Variants in PAPSS2 observed in about 807,000 individuals in gnomAD.
PAPSS2 encodes the protein 3'-phosphoadenosine 5'-phosphosulfate synthase 2.
A neutral mutation model predicts 66.5 loss-of-function variants in PAPSS2; 61 were observed. That is an observed-to-expected ratio of 0.92 (90% CI 0.75 to 1.14). PAPSS2 has a LOEUF of 1.14. Ranked by LOEUF, PAPSS2 falls within the 50% of genes most tolerant of loss-of-function variation. The pLI, the probability that PAPSS2 is intolerant of heterozygous loss-of-function variation, is 0.00. For missense variants in PAPSS2, 708 were observed against 789.6 expected (o/e 0.90, Z 1.24); for synonymous variants, 289 against 287.5 (o/e 1.01, Z -0.05).
At chr10:87,703,658 G>C (rs1564717451) in intron 1 of PAPSS2, 1 of 505,348 alleles carries the variant, frequency 2.0e-6, no homozygotes, top group Non-Finnish European at 4.0e-6. Context: ...GAGCAAATCA[G>C]CCGTGAAGCA....
intron 7 of PAPSS2, among the ~76,000 whole-genome samples, chr10:87,719,322 T>C (rs7068030): frequency 0.5 from 76,310 of 152,046 alleles, 20,097 homozygotes; most frequent in East Asian, 0.71. Context: ...CTCTCTGGGC[T>C]TTGTTCCTTC....
chr10:87,708,880 T>C (rs1231777724), intron 1 of PAPSS2, among the ~76,000 whole-genome samples: 2 of 152,208 alleles, frequency 1.3e-5, no homozygotes, highest in Non-Finnish European at 2.9e-5. Context: ...ATGCTGTAAT[T>C]TAAAAATAAT....
At chr10:87,668,077 T>A (rs1852835220) in intron 1 of PAPSS2, among the ~76,000 whole-genome samples, 1 of 152,214 alleles carries the variant, frequency 6.6e-6, no homozygotes, top group African/African-American at 2.4e-5. Flanking sequence ...CCCTATAAAC[T>A]TTATTCTTCT....
Position 87,745,874 on chromosome 10 carries a change from GC to G in PAPSS2, c.1765del (p.Leu589SerfsTer21). On this transcript the variant is annotated frameshift_variant, in exon 13 of 13. Transcript: ENST00000456849. LOFTEE classifies it high-confidence loss of function. ...TCATCTCAGGAACTCGAATGAGGAA[GC>G]TCGCCCGGGAAGGAGAGAATCCCCC... ...DFISGTRMRK[L>X]AREGENPPDG... 1 of 1,614,096 alleles carries G rather than the reference GC, an allele frequency of 6.2e-7. No individual in the cohort carries two copies. The highest frequency in any genetic ancestry group is 8.5e-7 in the Non-Finnish European group (1 of 1,179,984).
chr10:87,660,196 C>T (rs1183770166), intron 1 of PAPSS2, among the ~76,000 whole-genome samples, 188 bp downstream of exon 1: 1 of 152,138 alleles, frequency 6.6e-6, no homozygotes, highest in Non-Finnish European at 1.5e-5. Context: ...AGTCCTCGCC[C>T]CGCAGCCCCT....
intron 1 of PAPSS2, among the ~76,000 whole-genome samples, chr10:87,700,037 A>G (rs1226337416): frequency 6.6e-6 from 1 of 152,142 alleles, no homozygotes; most frequent in Non-Finnish European, 1.5e-5. Context: ...AGCCTTATAC[A>G]TATAAATACA....
intron 1 of PAPSS2, among the ~76,000 whole-genome samples, chr10:87,667,120 C>T (rs940587943): frequency 2.6e-5 from 4 of 152,138 alleles, no homozygotes; most frequent in African/African-American, 7.2e-5. Context: ...TCTTCTTGTT[C>T]CTTTTTCCTG....
intron 1 of PAPSS2, among the ~76,000 whole-genome samples, chr10:87,690,585 T>A (rs1277896241): frequency 6.6e-6 from 1 of 152,134 alleles, no homozygotes; most frequent in Non-Finnish European, 1.5e-5. Flanking sequence ...TAGCATGAGC[T>A]AGGTCCAGAA....
chr10:87,693,930 C>G (rs1853201890), intron 1 of PAPSS2, among the ~76,000 whole-genome samples: 1 of 152,156 alleles, frequency 6.6e-6, no homozygotes, highest in Non-Finnish European at 1.5e-5. Context: ...ATAAAAGTGA[C>G]TGTAACTAAA....
At chr10:87,715,292 C>T (rs1853519182) in intron 6 of PAPSS2, among the ~76,000 whole-genome samples, 194 bp downstream of exon 6, 1 of 152,168 alleles carries the variant, frequency 6.6e-6, no homozygotes, top group Admixed American at 6.5e-5. Context: ...CACAAGGCAG[C>T]TGATCAATGC....
At chr10:87,737,389 G>T (rs1305470981) in intron 9 of PAPSS2, among the ~76,000 whole-genome samples, 1 of 152,022 alleles carries the variant, frequency 6.6e-6, no homozygotes, top group Non-Finnish European at 1.5e-5. Flanking sequence ...AAAAATTAAG[G>T]TAAAAAACAG....
intron 1 of PAPSS2, among the ~76,000 whole-genome samples, chr10:87,680,241 C>A (rs1853002482): frequency 6.6e-6 from 1 of 152,156 alleles, no homozygotes; most frequent in Non-Finnish European, 1.5e-5. Flanking sequence ...GGGAACTAGA[C>A]CCGTTACTAT....
chr10:87,666,153 G>A (rs1045346091), intron 1 of PAPSS2, among the ~76,000 whole-genome samples: 1 of 151,768 alleles, frequency 6.6e-6, no homozygotes, highest in Admixed American at 6.6e-5. Flanking sequence ...TAGTTGAGAC[G>A]GGTTTTCACC....
chr10:87,697,044 G>A (rs1853243095), intron 1 of PAPSS2, among the ~76,000 whole-genome samples: 1 of 152,104 alleles, frequency 6.6e-6, no homozygotes, highest in Non-Finnish European at 1.5e-5. Context: ...TTCTGTTCAA[G>A]GATCCTATCC....
At chr10:87,718,636 G>C (rs1266775782) in intron 7 of PAPSS2, among the ~76,000 whole-genome samples, 4 of 150,950 alleles carry the variant, frequency 2.6e-5, no homozygotes, top group Non-Finnish European at 5.9e-5. Context: ...GTGTGATTCT[G>C]TGGGTCTGTC....
At chr10:87,704,400 T>C (rs1466729879) in intron 1 of PAPSS2, among the ~76,000 whole-genome samples, 1 of 152,216 alleles carries the variant, frequency 6.6e-6, no homozygotes, top group African/African-American at 2.4e-5. Context: ...TTAACAGAGC[T>C]TGGAGTTTAC....
chr10:87,719,319 G>A (rs974558799), intron 7 of PAPSS2, among the ~76,000 whole-genome samples: 5 of 151,968 alleles, frequency 3.3e-5, no homozygotes, highest in Non-Finnish European at 7.4e-5. Flanking sequence ...AAACTCTCTG[G>A]GCTTTGTTCC....
intron 1 of PAPSS2, among the ~76,000 whole-genome samples, chr10:87,662,846 T>G (rs1034090179): frequency 1.3e-5 from 2 of 151,962 alleles, no homozygotes; most frequent in Admixed American, 1.3e-4. Context: ...ATGTAAGGGA[T>G]TATCAACCTT....
chr10:87,699,570 G>A (rs1417467113), intron 1 of PAPSS2, among the ~76,000 whole-genome samples: 1 of 152,194 alleles, frequency 6.6e-6, no homozygotes, highest in Admixed American at 6.5e-5. Flanking sequence ...TCAAACCATT[G>A]TCTGGGAGCG....
Sources: allele counts gnomAD v4.1 joint callset (sites outside exome capture counted in the v4.1 genomes callset), GRCh38; gene constraint gnomAD v4.1.1; transcripts MANE v1.5; gene names NCBI Gene and HGNC (gene_info 2026-07-23, HGNC 2026-07-21).